DPP6: variants seen among roughly 807,000 people sequenced by gnomAD.
The protein encoded by DPP6 is A-type potassium channel modulatory protein DPP6.
DPP6 carries 69 observed loss-of-function variants against 122.6 expected under a neutral mutation model. That is an observed-to-expected ratio of 0.56 (90% CI 0.46 to 0.69). DPP6 has a LOEUF of 0.69. DPP6 is among the 30% of genes least tolerant of loss of function. DPP6 has a pLI of 0.00. For synonymous variants in DPP6, 418 were observed against 433.1 expected (o/e 0.97, Z 0.43); for missense variants, 928 against 1,116.9 (o/e 0.83, Z 2.41).
chr7:154,251,799 C>A (rs1802364088), intron 1 of DPP6, among the ~76,000 whole-genome samples: 1 of 69,254 alleles, frequency 1.4e-5, no homozygotes, highest in Admixed American at 1.2e-4. Flanking sequence ...TCCTGCCTGC[C>A]TTACTGCCAT....
intron 1 of DPP6, among the ~76,000 whole-genome samples, chr7:154,322,398 C>A (rs1359348165): frequency 2.0e-5 from 3 of 152,218 alleles, no homozygotes; most frequent in African/African-American, 7.2e-5. Flanking sequence ...TGCTCTGACA[C>A]TTTGACAAGC....
the DPP6 span, among the ~76,000 whole-genome samples, chr7:153,831,298 A>G: frequency 6.6e-6 from 1 of 152,202 alleles, no homozygotes; most frequent in Non-Finnish European, 1.5e-5. Flanking sequence ...ACATTTCCAA[A>G]GGCAGCTCCA....
intron 1 of DPP6, among the ~76,000 whole-genome samples, chr7:154,246,929 T>C (rs1398221618): frequency 3.9e-5 from 6 of 152,206 alleles, no homozygotes; most frequent in African/African-American, 1.4e-4. Flanking sequence ...ACTTCTCAAG[T>C]AGAACCGAAA....
intron 1 of DPP6, among the ~76,000 whole-genome samples, chr7:154,439,429 T>C (rs1819175543): frequency 6.6e-6 from 1 of 152,218 alleles, no homozygotes; most frequent in African/African-American, 2.4e-5. Flanking sequence ...GATGATCAGG[T>C]CACAGTGCTG....
intron 6 of DPP6, among the ~76,000 whole-genome samples, chr7:154,649,550 G>A (rs548883507): frequency 1.2e-3 from 180 of 152,238 alleles, no homozygotes; most frequent in African/African-American, 3.5e-3. Context: ...CCCTCCGCCC[G>A]GTCACTGTGT....
chr7:154,885,658 A>G lies in DPP6; in HGVS notation c.2159A>G (p.Tyr720Cys). ...GKDYGGYLST[Y>C]ILPAKGENQG... Reference sequence around the variant, plus strand: ...GATTACGGTGGCTACCTGAGCACCTACATCCTCCCAGCAAAGGGAGAAAAT... The same window carrying G: ...GATTACGGTGGCTACCTGAGCACCTGCATCCTCCCAGCAAAGGGAGAAAAT... The change falls in exon 22 of 26, where the codon TAC becomes TGC. Residue 720 changes from tyrosine (Y) to cysteine (C), a missense_variant. Physicochemically the swap from Tyr to Cys is radical, Grantham distance 194. Coordinates refer to ENST00000377770, the MANE Select transcript of DPP6 (RefSeq NM_130797.4). The G allele has an allele frequency of 1.3e-6, 2 of 1,585,118 alleles. No individual in the cohort carries two copies. Among genetic ancestry groups the G allele is most frequent in the Non-Finnish European group, 1.7e-6 (2 of 1,165,878 alleles).
chr7:154,383,508 A>G (rs1813810107), intron 1 of DPP6, among the ~76,000 whole-genome samples: 1 of 152,250 alleles, frequency 6.6e-6, no homozygotes, highest in Non-Finnish European at 1.5e-5. Context: ...CAAATTTAAT[A>G]TAAGAAAGTA....
At chr7:154,072,652 G>A (rs1438608881) in intron 1 of DPP6, among the ~76,000 whole-genome samples, 2 of 152,294 alleles carry the variant, frequency 1.3e-5, no homozygotes, top group Non-Finnish European at 2.9e-5. Context: ...TTGCACGCAA[G>A]TGTGGTGTTT....
At chr7:154,564,929 C>G (rs1830648880) in intron 4 of DPP6, among the ~76,000 whole-genome samples, 1 of 152,150 alleles carries the variant, frequency 6.6e-6, no homozygotes, top group Non-Finnish European at 1.5e-5. Context: ...CTATTTGGTG[C>G]TCCATTTTTT....
chr7:154,665,712 A>G (rs1256640592), intron 6 of DPP6, among the ~76,000 whole-genome samples: 1 of 152,124 alleles, frequency 6.6e-6, no homozygotes, highest in African/African-American at 2.4e-5. Flanking sequence ...ACATATTTGT[A>G]TGTATACTAA....
intron 1 of DPP6, among the ~76,000 whole-genome samples, chr7:154,063,481 T>TGC (rs1563159915): frequency 3.9e-5 from 4 of 102,268 alleles, no homozygotes; most frequent in Non-Finnish European, 8.3e-5. Flanking sequence ...TGAGAGCCAT[T>TGC]CCCTCTTCCC....
intron 1 of DPP6, among the ~76,000 whole-genome samples, chr7:154,283,130 T>TG (rs1352649212): frequency 6.6e-6 from 1 of 152,190 alleles, no homozygotes; most frequent in African/African-American, 2.4e-5. Flanking sequence ...TTATTACCCG[T>TG]GGGCCCCAGT....
At chr7:154,037,238 A>G (rs6464381) in intron 1 of DPP6, among the ~76,000 whole-genome samples, 31,685 of 152,078 alleles carry the variant, frequency 0.21, 3,473 homozygotes, top group Middle Eastern at 0.25. Flanking sequence ...TGCGAGGCAC[A>G]TGGGAGAAAA....
intron 1 of DPP6, among the ~76,000 whole-genome samples, chr7:154,361,196 T>C (rs1282132984): frequency 1.3e-5 from 2 of 152,234 alleles, no homozygotes; most frequent in Non-Finnish European, 2.9e-5. Flanking sequence ...GTGTGCCTAC[T>C]GGATAGTTAC....
At chr7:154,054,362 G>T (rs1425751614) in intron 1 of DPP6, among the ~76,000 whole-genome samples, 2 of 152,100 alleles carry the variant, frequency 1.3e-5, no homozygotes, top group African/African-American at 4.8e-5. Context: ...ATTCCTAATT[G>T]CCAGATACTA....
chr7:154,672,826 T>C (rs1224826458), intron 7 of DPP6, among the ~76,000 whole-genome samples: 1 of 152,220 alleles, frequency 6.6e-6, no homozygotes, highest in Non-Finnish European at 1.5e-5. Flanking sequence ...TTTCAGTCTT[T>C]GCAAACAGAT....
intron 5 of DPP6, among the ~76,000 whole-genome samples, chr7:154,590,570 T>TTTTTTTTTTTTTTTTTTTTTGAGACGGA (rs1303018750): frequency 6.9e-6 from 1 of 144,194 alleles, no homozygotes; most frequent in African/African-American, 2.6e-5. Flanking sequence ...GTTTAACTCT[T>TTTTTTTTTTTTTTTTTTTTTGAGACGGA]GTTGCCCAGG....
chr7:154,528,297 C>T (rs1827571804), intron 3 of DPP6, among the ~76,000 whole-genome samples: 1 of 152,166 alleles, frequency 6.6e-6, no homozygotes, highest in South Asian at 2.1e-4. Flanking sequence ...ATGCACTCTA[C>T]ACTCCCCTAT....
intron 1 of DPP6, chr7:154,058,311 A>G (rs1801081520): frequency 7.8e-6 from 1 of 127,988 alleles, no homozygotes; most frequent in African/African-American, 3.0e-5. Flanking sequence ...TAGGATCCCC[A>G]TCGCTGGGGG....
Sources: gnomAD v4.1 joint callset for allele counts (sites outside exome capture counted in the v4.1 genomes callset) on GRCh38, gnomAD v4.1.1 for gene constraint, MANE v1.5 for transcripts, NCBI Gene and HGNC (gene_info 2026-07-23, HGNC 2026-07-21) for gene names.